The following MRAS variants were observed in gnomAD, a reference collection of about 807,000 sequenced individuals.
MRAS encodes the protein ras-related protein M-Ras.
MRAS carries 4 observed loss-of-function variants against 20.9 expected under a neutral mutation model. The observed-to-expected ratio is 0.19, with a 90% CI of 0.09 to 0.44. The LOEUF is 0.44. Among genes scored for constraint, MRAS ranks in the 20% least tolerant of loss-of-function variants. The pLI is 0.99. For synonymous variants in MRAS, 98 were observed against 102.9 expected (o/e 0.95, Z 0.29); for missense variants, 154 against 277.5 (o/e 0.56, Z 3.16).
At chr3:138,383,439 G>A (rs1014109060) in intron 2 of MRAS, among the ~76,000 whole-genome samples, 2 of 152,156 alleles carry the variant, frequency 1.3e-5, no homozygotes, top group South Asian at 2.1e-4. Context: ...TAAGTGATCC[G>A]CCCACCTTGG....
At chr3:138,372,776 G>T (rs1256574615) in intron 1 of MRAS, 90 bp from the exon 2 acceptor site, 2 of 930,202 alleles carry the variant, frequency 2.2e-6, no homozygotes. Context: ...ATAATTGAGA[G>T]TATTACTTTA....
At chr3:138,367,001 C>G (rs1035307961) in intron 1 of MRAS, among the ~76,000 whole-genome samples, 8 of 152,130 alleles carry the variant, frequency 5.3e-5, no homozygotes, top group Non-Finnish European at 1.2e-4. Flanking sequence ...CTGTAGAAGC[C>G]CTAGAACCTG....
At chr3:138,385,790 C>T (rs1266311475) in intron 2 of MRAS, among the ~76,000 whole-genome samples, 1 of 152,184 alleles carries the variant, frequency 6.6e-6, no homozygotes, top group Non-Finnish European at 1.5e-5. Flanking sequence ...GCTGGGGTTA[C>T]AGGTGTGAGC....
chr3:138,354,436 C>T (rs1042603879), intron 1 of MRAS, among the ~76,000 whole-genome samples: 5 of 152,206 alleles, frequency 3.3e-5, no homozygotes, highest in Non-Finnish European at 5.9e-5. Context: ...GGGAGCCTTG[C>T]TCCTGAGTTT....
chr3:138,362,635 T>A (rs1201009234), intron 1 of MRAS, among the ~76,000 whole-genome samples: 1 of 152,130 alleles, frequency 6.6e-6, no homozygotes, highest in Non-Finnish European at 1.5e-5. Context: ...TACATTGTAC[T>A]CCCGTATGGA....
At chr3:138,347,890 G>C (rs966954712), upstream of MRAS, 1 of 152,306 alleles carries the variant, frequency 6.6e-6, no homozygotes, top group African/African-American at 2.4e-5. Context: ...ACCGCGCCCG[G>C]CTTGAATTGT....
Position 138,400,263 on chromosome 3 carries a change from T to C in MRAS, c.448-271T>C, listed in dbSNP as rs575373344. ...TGAAACAGTCTTTCATCTTCAAGTA[T>C]ATAAAAAGATCACTTTATTCTATTT... On this transcript the variant is annotated intron_variant, in intron 4 of 5. Transcript: ENST00000423968. The C allele has an allele frequency of 2.4e-5, 9 of 373,412 alleles. No individual in the cohort carries two copies. In the East Asian group the frequency reaches 4.6e-4, roughly 19 times the overall value. 23.1% of individuals were successfully genotyped at this position (373,412 alleles called of 1,614,324 possible).
chr3:138,375,803 C>T (rs1269167310), intron 2 of MRAS, among the ~76,000 whole-genome samples: 2 of 152,166 alleles, frequency 1.3e-5, no homozygotes, highest in East Asian at 1.9e-4. Context: ...GGGCAGATTG[C>T]TTGAGCTCAG....
intron 2 of MRAS, among the ~76,000 whole-genome samples, chr3:138,374,916 C>G (rs1258995152): frequency 6.6e-6 from 1 of 152,184 alleles, no homozygotes; most frequent in Non-Finnish European, 1.5e-5. Context: ...GAGTCTTGCA[C>G]TGTCACCCAG....
intron 2 of MRAS, among the ~76,000 whole-genome samples, chr3:138,394,437 T>C (rs991125780): frequency 4.6e-5 from 7 of 152,162 alleles, no homozygotes; most frequent in African/African-American, 1.7e-4. Flanking sequence ...AATGAAGGGC[T>C]GTGGGGACAG....
At chr3:138,374,541 C>T (rs2054743011) in intron 2 of MRAS, among the ~76,000 whole-genome samples, 1 of 152,164 alleles carries the variant, frequency 6.6e-6, no homozygotes, top group Non-Finnish European at 1.5e-5. Flanking sequence ...AGTTTTACTT[C>T]TTCTTTTCCA....
intron 4 of MRAS, among the ~76,000 whole-genome samples, chr3:138,399,141 C>T (rs958338530): frequency 6.6e-6 from 1 of 152,206 alleles, no homozygotes; most frequent in African/African-American, 2.4e-5. Flanking sequence ...GGAAAGTGTG[C>T]CCAGTTCAAA....
intron 1 of MRAS, among the ~76,000 whole-genome samples, chr3:138,370,393 C>T (rs2108516347): frequency 6.6e-6 from 1 of 152,294 alleles, no homozygotes; most frequent in South Asian, 2.1e-4. Flanking sequence ...GCAGCAGTTG[C>T]AGAGGGGCAG....
At chr3:138,356,187 A>G (rs1463017777) in intron 1 of MRAS, among the ~76,000 whole-genome samples, 1 of 152,234 alleles carries the variant, frequency 6.6e-6, no homozygotes, top group African/African-American at 2.4e-5. Flanking sequence ...TTTAAAAAGA[A>G]ACTACTTGGC....
intron 2 of MRAS, 123 bp downstream of exon 2, chr3:138,373,199 T>A (rs185639162): frequency 2.2e-6 from 2 of 917,880 alleles, no homozygotes; most frequent in Non-Finnish European, 3.0e-6. Flanking sequence ...ATGGTTGATA[T>A]AAAGCCGTGT....
intron 2 of MRAS, among the ~76,000 whole-genome samples, chr3:138,385,500 ATATATT>A (rs2054992718): frequency 6.7e-6 from 1 of 149,660 alleles, no homozygotes; most frequent in South Asian, 2.1e-4. Flanking sequence ...TTTAAAATAT[ATATATT>A]TATTTATTTA....
intron 2 of MRAS, among the ~76,000 whole-genome samples, chr3:138,378,718 A>T (rs143893994): frequency 6.6e-6 from 1 of 152,126 alleles, no homozygotes; most frequent in Non-Finnish European, 1.5e-5. Context: ...TGTTTGTTTT[A>T]TTGTGATAAA....
At chr3:138,367,402 G>A (rs1471298929) in intron 1 of MRAS, among the ~76,000 whole-genome samples, 1 of 152,194 alleles carries the variant, frequency 6.6e-6, no homozygotes, top group African/African-American at 2.4e-5. Context: ...CTGCCTGGCT[G>A]TGGAGTTGAG....
At chr3:138,355,027 C>G (rs898932777) in intron 1 of MRAS, among the ~76,000 whole-genome samples, 1 of 152,124 alleles carries the variant, frequency 6.6e-6, no homozygotes, top group African/African-American at 2.4e-5. Context: ...TCAAGCGATC[C>G]TCCCACCTCG....
Sources: allele counts gnomAD v4.1 joint callset (sites outside exome capture counted in the v4.1 genomes callset), GRCh38; gene constraint gnomAD v4.1.1; transcripts MANE v1.5; gene names NCBI Gene and HGNC (gene_info 2026-07-23, HGNC 2026-07-21).